ISY1: variants seen among roughly 807,000 people sequenced by gnomAD.
ISY1 encodes the protein pre-mRNA-splicing factor ISY1 homolog.
ISY1 carries 12 observed loss-of-function variants against 54.4 expected under a neutral mutation model. The observed-to-expected ratio is 0.22, with a 90% CI of 0.14 to 0.36. ISY1 has a LOEUF of 0.36. ISY1 is among the 10% of genes least tolerant of loss of function. The probability of loss-of-function intolerance (pLI) is 1.00; values close to 1 mark genes in which losing one functional copy is unlikely to be tolerated. For missense variants in ISY1, 282 were observed against 342.2 expected, an observed-to-expected ratio of 0.82 and a Z score of 1.39; for synonymous variants, 96 against 117.9, an observed-to-expected ratio of 0.81 and a Z score of 1.20.
chr3:129,144,872 C>T (rs1936724375), intron 6 of ISY1, among the ~76,000 whole-genome samples: 1 of 152,130 alleles, frequency 6.6e-6, no homozygotes, highest in Non-Finnish European at 1.5e-5. Flanking sequence ...ATAGCTGTCT[C>T]CAGTTCCTAA....
intron 6 of ISY1, 53 bp from the exon 7 acceptor site, chr3:129,140,538 ATTAT>A (rs555905939): frequency 1.9e-4 from 290 of 1,514,544 alleles, no homozygotes; most frequent in Admixed American, 6.5e-4. Context: ...TTAGTTAGTT[ATTAT>A]TTATTTATTT....
At chr3:129,159,880 T>C (rs748653162) in intron 1 of ISY1, among the ~76,000 whole-genome samples, 2 of 152,214 alleles carry the variant, frequency 1.3e-5, no homozygotes, top group South Asian at 2.1e-4. Context: ...ATGCAATTTA[T>C]AGACACTCAG....
rs1171107363 is a variant in ISY1, at chr3:129,138,804, G to A, written c.418+1564C>T. Reference sequence around the variant, plus strand: ...CACTCCAGCCTGCGCAACAGAGCAAGACTCCATCTCAAAAAAAAAAAAAGA... The same window carrying A: ...CACTCCAGCCTGCGCAACAGAGCAAAACTCCATCTCAAAAAAAAAAAAAGA... On this transcript the variant is annotated intron_variant, in intron 7 of 10. Coordinates refer to ENST00000393295, the MANE Select transcript of ISY1 (RefSeq NM_020701.4). Among the ~76,000 whole-genome samples the A allele has an allele frequency of 3.5e-5, 5 of 144,856 alleles. No individual in the cohort carries two copies. The East Asian group carries it at 1.0e-3, about 29-fold the overall frequency.
intron 7 of ISY1, among the ~76,000 whole-genome samples, chr3:129,135,267 C>T (rs944194024): frequency 6.6e-6 from 1 of 151,928 alleles, no homozygotes; most frequent in Non-Finnish European, 1.5e-5. Context: ...TCGCTTGAAC[C>T]TAGGAGGCAG....
In ISY1 at chr3:129,151,133, T is replaced by A. The variant is rs548783154; in HGVS notation, c.188-5260A>T. Among the ~76,000 whole-genome samples the A allele has an allele frequency of 1.6e-3, 239 of 145,262 alleles. 1 individual carries two copies. The highest frequency in any genetic ancestry group is 5.5e-3 in the African/African-American group (220 of 39,738). On this transcript the variant is annotated intron_variant, in intron 5 of 10. Transcript: ENST00000393295. ...GAAGACTCTGTCTCAAAAAAAAATA[T>A]ATATATATATAAATATATAAAATAT...
chr3:129,160,981 C>T lies in ISY1; in HGVS notation c.-6G>A, dbSNP rs1038809112. ...CCGCCCACCCTACTCACCATGGTGT[C>T]GCTAAGGGCGCCGTCCTGGAGCCCC... On this transcript the variant is annotated 5_prime_UTR_variant, in exon 1 of 11. Coordinates refer to ENST00000393295, the MANE Select transcript of ISY1 (RefSeq NM_020701.4). The T allele has an allele frequency of 2.0e-6, 3 of 1,524,492 alleles. No homozygotes were observed. Among genetic ancestry groups the T allele is most frequent in the Non-Finnish European group, 2.6e-6 (3 of 1,132,078 alleles). 94.4% of individuals were successfully genotyped at this position (1,524,492 alleles called of 1,614,324 possible). A position where few individuals can be genotyped will look rare whatever the true frequency, so the allele number is the denominator to read the frequency against.
At chr3:129,147,363 C>A (rs1342784174) in intron 5 of ISY1, among the ~76,000 whole-genome samples, 1 of 151,866 alleles carries the variant, frequency 6.6e-6, no homozygotes, top group Non-Finnish European at 1.5e-5. Flanking sequence ...GGTGACAGGG[C>A]AAGACTGTCT....
intron 3 of ISY1, among the ~76,000 whole-genome samples, chr3:129,157,476 T>G (rs1937175724): frequency 6.6e-6 from 1 of 151,962 alleles, no homozygotes; most frequent in Admixed American, 6.6e-5. Context: ...ATTCCCACTT[T>G]GGGAGGTCAA....
chr3:129,140,317 C>T (rs1560016635), intron 7 of ISY1, 51 bp downstream of exon 7: 1 of 1,524,878 alleles, frequency 6.6e-7, no homozygotes. Flanking sequence ...AGCATATCTA[C>T]TCTTATGATT....
rs966693970 is a variant in ISY1 at position 129,146,307 on chromosome 3, C to T, written c.188-434G>A. Among the ~76,000 whole-genome samples, 3 of 152,100 alleles carry T rather than the reference C, an allele frequency of 2.0e-5. No individual in the cohort carries two copies. In the East Asian group the frequency reaches 5.8e-4, roughly 29 times the overall value. ...GCGTTTTCAGGAAAGCAATGTATTGCTATATGGGAAAAATTTTTGGCAAGG... is the reference window on the plus strand; with the variant it reads ...GCGTTTTCAGGAAAGCAATGTATTGTTATATGGGAAAAATTTTTGGCAAGG... On this transcript the variant is annotated intron_variant, in intron 5 of 10. Transcript: ENST00000393295.
chr3:129,158,520 C>A lies in ISY1; in HGVS notation c.66G>T (p.Glu22Asp), dbSNP rs1341257435. ...GATTTACACCAACCTTCACTTTTCC[C>A]TCTTCCAGCTGAGCCTGGCGAAATC... is the stretch of plus-strand genomic sequence containing the variant. Reference protein sequence around the residue: ...LARFRQAQLEEGKVKERRPFL... With the variant: ...LARFRQAQLEDGKVKERRPFL... The change falls in exon 3 of 11, where the codon GAG (glutamate) becomes GAT (aspartate). Residue 22 changes from glutamate (E) to aspartate (D), a missense_variant. Physicochemically the swap from Glu to Asp is conservative, Grantham distance 45. Coordinates refer to ENST00000393295, the MANE Select transcript of ISY1 (RefSeq NM_020701.4). 2 of 1,613,848 alleles carry A rather than the reference C, an allele frequency of 1.2e-6. No homozygotes were observed. The highest frequency in any genetic ancestry group is 1.6e-4 in the Middle Eastern group (1 of 6,084).
At chr3:129,160,918 G>GCCCCACC in intron 1 of ISY1, 55 bp downstream of exon 1, 1 of 666,128 alleles carries the variant, frequency 1.5e-6, no homozygotes, top group Non-Finnish European at 2.7e-6. Context: ...TGGACTGGGC[G>GCCCCACC]CCCCCCCGCC....
intron 6 of ISY1, among the ~76,000 whole-genome samples, chr3:129,144,730 CTGTG>C (rs1266014546): frequency 2.6e-5 from 4 of 151,616 alleles, no homozygotes; most frequent in African/African-American, 9.7e-5. Context: ...GTGTGTGTGT[CTGTG>C]TGTGTTTTAC....
intron 6 of ISY1, among the ~76,000 whole-genome samples, chr3:129,142,562 A>G (rs1179648138): frequency 1.3e-5 from 2 of 152,216 alleles, no homozygotes; most frequent in East Asian, 3.8e-4. Context: ...AGGGTATATA[A>G]AAGTTCTCTG....
At chr3:129,143,559 CAT>C (rs147901371) in intron 6 of ISY1, among the ~76,000 whole-genome samples, 1,558 of 150,726 alleles carry the variant, frequency 0.01, 31 homozygotes, top group African/African-American at 0.035. Flanking sequence ...ACATATCTAT[CAT>C]ATGATTATTT....
intron 2 of ISY1, 86 bp downstream of exon 2, chr3:129,159,068 A>T: frequency 2.0e-6 from 3 of 1,525,314 alleles, no homozygotes; most frequent in Non-Finnish European, 2.7e-6. Context: ...AAAGGCTCAG[A>T]TACCAAAAAG....
At chr3:129,151,792 C>T (rs376814589) in intron 5 of ISY1, among the ~76,000 whole-genome samples, 13 of 152,080 alleles carry the variant, frequency 8.5e-5, no homozygotes, top group Non-Finnish European at 1.9e-4. Context: ...GTCTTTGCCT[C>T]GTTCCTGATC....
At chr3:129,141,927 G>A (rs1349252247) in intron 6 of ISY1, among the ~76,000 whole-genome samples, 4 of 151,926 alleles carry the variant, frequency 2.6e-5, no homozygotes, top group African/African-American at 9.7e-5. Context: ...ATGATTTGCT[G>A]GGTGCGGTGG....
At chr3:129,142,559 A>C (rs898777620) in intron 6 of ISY1, among the ~76,000 whole-genome samples, 1 of 152,250 alleles carries the variant, frequency 6.6e-6, no homozygotes, top group Non-Finnish European at 1.5e-5. Flanking sequence ...TAAAGGGTAT[A>C]TAAAAGTTCT....
Sources: allele counts gnomAD v4.1 joint callset (sites outside exome capture counted in the v4.1 genomes callset), GRCh38; gene constraint gnomAD v4.1.1; transcripts MANE v1.5; gene names NCBI Gene and HGNC (gene_info 2026-07-23, HGNC 2026-07-21).